The following SCML2 variants were observed in gnomAD, a reference collection of about 807,000 sequenced individuals.
SCML2 encodes Scm polycomb group protein like 2, also known as sex comb on midleg-like protein 2.
A neutral mutation model predicts 48.4 loss-of-function variants in SCML2; 6 were observed. That is an observed-to-expected ratio of 0.12 (90% CI 0.07 to 0.24). The LOEUF is 0.24. Among genes scored for constraint, SCML2 ranks in the 10% least tolerant of loss-of-function variants. SCML2 has a pLI of 1.00. For synonymous variants in SCML2, 181 were observed against 189.5 expected (o/e 0.95, Z 0.37); for missense variants, 377 against 528.2 (o/e 0.71, Z 2.81).
intron 5 of SCML2, 39 bp downstream of exon 5, chrX:18,323,820 A>T: frequency 9.6e-7 from 1 of 1,040,556 alleles, no homozygotes; most frequent in Non-Finnish European, 1.3e-6. Flanking sequence ...TGAATATCAC[A>T]TTAGAAAGAA....
At chrX:18,299,691 A>AC (rs1427013107) in intron 7 of SCML2, among the ~76,000 whole-genome samples, 4 of 60,049 alleles carry the variant, frequency 6.7e-5, no homozygotes, top group East Asian at 4.4e-4. Context: ...TATTAAAAAG[A>AC]CAAAAAAAAA....
At position 18,246,804 on chromosome X, in the gene SCML2, C is replaced by G. The variant is rs759330967; in HGVS notation, c.1595G>C (p.Ser532Thr). 6.6e-6 allele frequency: 8 copies of G among 1,203,123 alleles called. No homozygotes were observed. In the South Asian group the frequency reaches 1.4e-4, roughly 22 times the overall value. ...AAGATTCTCCTCTTTGGGAATGGCA[C>G]TTCCCCCAGCAAACAATGGTTCTCC... ...SEGEPLFAGGSAIPKEENLSE... is the reference protein window; with the variant it reads ...SEGEPLFAGGTAIPKEENLSE... The change falls in exon 13 of 15, where the codon AGT becomes ACT. Residue 532 changes from serine to threonine, a missense_variant. Physicochemically the swap from Ser to Thr is moderately conservative, Grantham distance 58 (BLOSUM62 1). Around this residue, in one of 3 missense-constraint regions of SCML2, gnomAD observed 299 missense variants for 425.5 expected, o/e 0.70. Transcript: ENST00000251900.
intron 6 of SCML2, among the ~76,000 whole-genome samples, chrX:18,308,493 C>A (rs1461492133): frequency 9.0e-6 from 1 of 110,724 alleles, no homozygotes; most frequent in Non-Finnish European, 1.9e-5. Flanking sequence ...AAACAAATAA[C>A]CTGATTTTAA....
chrX:18,287,255 C>A (rs1024090088), intron 7 of SCML2, among the ~76,000 whole-genome samples: 2 of 111,945 alleles, frequency 1.8e-5, no homozygotes, highest in Non-Finnish European at 3.8e-5. Flanking sequence ...TCTGACAGAA[C>A]TTCTCATTAG....
chrX:18,315,581 T>C (rs1186413190), intron 6 of SCML2, among the ~76,000 whole-genome samples: 3 of 111,116 alleles, frequency 2.7e-5, no homozygotes, highest in South Asian at 3.8e-4. Context: ...CCTAACAAAA[T>C]GGACCATAGA....
chrX:18,312,538 G>GTT (rs1050910665), intron 6 of SCML2, among the ~76,000 whole-genome samples: 2 of 108,031 alleles, frequency 1.9e-5, no homozygotes, highest in African/African-American at 6.8e-5. Flanking sequence ...TTTTGGGTTT[G>GTT]TTTTTTTTTA....
intron 8 of SCML2, among the ~76,000 whole-genome samples, chrX:18,265,180 T>C (rs898611596): frequency 1.8e-5 from 2 of 112,126 alleles, no homozygotes; most frequent in African/African-American, 6.5e-5. Context: ...CTATTATTTC[T>C]AAGTTTTAGA....
chrX:18,262,624 A>G lies in SCML2; in HGVS notation c.949-2333T>C, dbSNP rs1927110049. The stretch of plus-strand genomic sequence containing the variant: ...CCAAAGTGCTGGGATTACAGGCGTG[A>G]GCCACCACGCCTGGCTGGGTCTACT... On this transcript the variant is annotated intron_variant, in intron 8 of 14. Transcript: ENST00000251900. Among the ~76,000 whole-genome samples the G allele has an allele frequency of 1.9e-5, 2 of 107,848 alleles. 1 individual carries two copies. Among genetic ancestry groups the G allele is most frequent in the African/African-American group, 7.2e-5 (2 of 27,962 alleles). The allele number at this position is 107,848 out of a possible 115,157, so 93.7% of individuals were successfully genotyped here. A position where few individuals can be genotyped will look rare whatever the true frequency, so the allele number is the denominator to read the frequency against.
At chrX:18,250,326 C>T (rs996893333) in intron 11 of SCML2, among the ~76,000 whole-genome samples, 1 of 111,502 alleles carries the variant, frequency 9.0e-6, no homozygotes, top group African/African-American at 3.3e-5. Context: ...GATTCTTGTG[C>T]CTCAGCCTCC....
intron 7 of SCML2, among the ~76,000 whole-genome samples, chrX:18,268,903 T>C (rs1325204969): frequency 9.0e-6 from 1 of 111,615 alleles, no homozygotes; most frequent in Non-Finnish European, 1.9e-5. Flanking sequence ...CAATATTTGA[T>C]CACTCAATCC....
At chrX:18,247,389 T>G (rs780915756) in intron 12 of SCML2, among the ~76,000 whole-genome samples, 1 of 112,153 alleles carries the variant, frequency 8.9e-6, no homozygotes, top group South Asian at 3.7e-4. Flanking sequence ...AGCATTTGTT[T>G]TTAGAAATGC....
rs1029251543 is a variant in SCML2 at position 18,240,398 on chromosome X, G to T, written c.*853C>A. 8.9e-6 allele frequency: 1 copy of T among 111,940 alleles called. No homozygotes were observed. Among genetic ancestry groups the T allele is most frequent in the African/African-American group, 3.2e-5 (1 of 30,771 alleles). The allele number at this position is 111,940 out of a possible 1,213,427, so 9.2% of individuals were successfully genotyped here. A position where few individuals can be genotyped will look rare whatever the true frequency, so the allele number is the denominator to read the frequency against. Reference sequence around the variant, plus strand: ...ATATCTTCAAAAATTTTGGACACAGGTATCTTCATATAGAGATGTAAGAAA... The same window carrying T: ...ATATCTTCAAAAATTTTGGACACAGTTATCTTCATATAGAGATGTAAGAAA... On this transcript the variant is annotated 3_prime_UTR_variant, in exon 15 of 15. Transcript: ENST00000251900.
intron 1 of SCML2, among the ~76,000 whole-genome samples, 173 bp downstream of exon 1, chrX:18,354,419 G>A (rs775745132): frequency 6.3e-4 from 70 of 111,856 alleles, no homozygotes; most frequent in Middle Eastern, 4.8e-3. Context: ...CCGGGGGCGG[G>A]ATACCCTATC....
In SCML2 at chrX:18,241,003, C is replaced by A; in HGVS notation, c.*248G>T. On this transcript the variant is annotated 3_prime_UTR_variant, in exon 15 of 15. Coordinates refer to ENST00000251900, the MANE Select transcript of SCML2 (RefSeq NM_006089.3). ...TAAAGAACTGCCAATTTGAATATGC[C>A]AATACTAACCTGTTAAATGCTTTTT... 5.8e-6 allele frequency: 1 copy of A among 173,285 alleles called. No homozygotes were observed. The highest frequency in any genetic ancestry group is 1.1e-5 in the Non-Finnish European group (1 of 91,389). 14.3% of individuals were successfully genotyped at this position (173,285 alleles called of 1,213,427 possible). A position where few individuals can be genotyped will look rare whatever the true frequency, so the allele number is the denominator to read the frequency against.
intron 2 of SCML2, among the ~76,000 whole-genome samples, chrX:18,331,310 A>C (rs963761962): frequency 9.2e-6 from 1 of 108,631 alleles, no homozygotes; most frequent in South Asian, 4.0e-4. Flanking sequence ...CAATAAATCA[A>C]AATGAGCTGA....
At chrX:18,309,675 C>A (rs1928884411) in intron 6 of SCML2, among the ~76,000 whole-genome samples, 1 of 111,607 alleles carries the variant, frequency 9.0e-6, no homozygotes, top group South Asian at 3.8e-4. Context: ...ACAGATAAAC[C>A]AAATGCTGCA....
intron 9 of SCML2, among the ~76,000 whole-genome samples, chrX:18,259,304 C>T (rs902984100): frequency 2.5e-4 from 27 of 109,576 alleles, no homozygotes; most frequent in African/African-American, 8.6e-4. Context: ...GAGGGCACAT[C>T]ACTACCAAAA....
Position 18,241,112 on chromosome X carries a change from T to C in SCML2, c.*139A>G. 1 of 531,896 alleles carries C rather than the reference T, an allele frequency of 1.9e-6. No individual in the cohort carries two copies. Among genetic ancestry groups the C allele is most frequent in the Non-Finnish European group, 2.7e-6 (1 of 367,142 alleles). The allele number at this position is 531,896 out of a possible 1,213,427, so 43.8% of individuals were successfully genotyped here. A position where few individuals can be genotyped will look rare whatever the true frequency, so the allele number is the denominator to read the frequency against. ...GAAAAAAACAAAGTTGACTGAACTG[T>C]TACTACAGTTCTGCAATTCTGATAA... On this transcript the variant is annotated 3_prime_UTR_variant, in exon 15 of 15. Transcript: ENST00000251900.
At chrX:18,310,973 G>A (rs1054736463) in intron 6 of SCML2, among the ~76,000 whole-genome samples, 1 of 111,200 alleles carries the variant, frequency 9.0e-6, no homozygotes, top group African/African-American at 3.3e-5. Flanking sequence ...CTAAAATGTC[G>A]ACCTCTCTTC....
Sources: allele counts gnomAD v4.1 joint callset (sites outside exome capture counted in the v4.1 genomes callset), GRCh38; gene constraint gnomAD v4.1.1; regional missense constraint gnomAD v4.1.1; transcripts MANE v1.5; gene names NCBI Gene and HGNC (gene_info 2026-07-23, HGNC 2026-07-21).